The following FAM227B variants were observed in gnomAD, a reference collection of about 807,000 sequenced individuals.
The protein encoded by FAM227B is protein FAM227B.
Under a neutral mutation model 73.8 loss-of-function variants are expected in FAM227B, and 88 were observed. The observed-to-expected ratio is 1.19, with a 90% CI of 1.00 to 1.42. The LOEUF is 1.42. Ranked by LOEUF, FAM227B falls within the 40% of genes most tolerant of loss-of-function variation. The pLI is 0.00. For missense variants in FAM227B, 632 were observed against 590.9 expected, an observed-to-expected ratio of 1.07 and a Z score of -0.72; for synonymous variants, 210 against 190.5, an observed-to-expected ratio of 1.10 and a Z score of -0.84.
chr15:49,431,062 T>C (rs925455211), intron 11 of FAM227B, among the ~76,000 whole-genome samples: 30 of 151,988 alleles, frequency 2.0e-4, no homozygotes, highest in African/African-American at 5.8e-4. Context: ...AACATCACTA[T>C]TGGAATACAA....
At chr15:49,556,685 G>A (rs2073730937) in intron 9 of FAM227B, among the ~76,000 whole-genome samples, 1 of 152,160 alleles carries the variant, frequency 6.6e-6, no homozygotes, top group Admixed American at 6.5e-5. Flanking sequence ...GGGCACTCAG[G>A]TCAGACTGGC....
chr15:49,514,187 C>A (rs939069505), intron 10 of FAM227B, among the ~76,000 whole-genome samples: 12 of 152,078 alleles, frequency 7.9e-5, no homozygotes, highest in African/African-American at 2.9e-4. Flanking sequence ...TTACTTTGGG[C>A]AGTATGGCCA....
chr15:49,497,137 T>A (rs2057688985), intron 11 of FAM227B, among the ~76,000 whole-genome samples: 1 of 152,238 alleles, frequency 6.6e-6, no homozygotes, highest in Non-Finnish European at 1.5e-5. Context: ...CACCTCATTT[T>A]TCAGTTGTAA....
At chr15:49,331,992 C>T (rs2038853689) in intron 14 of FAM227B, 143 bp from the exon 15 acceptor site, 1 of 619,454 alleles carries the variant, frequency 1.6e-6, no homozygotes, top group African/African-American at 1.9e-5. Flanking sequence ...ACCCTTAAAA[C>T]TTCTGAAGTA....
At chr15:49,413,505 C>T (rs1001140475) in intron 11 of FAM227B, among the ~76,000 whole-genome samples, 3 of 152,028 alleles carry the variant, frequency 2.0e-5, no homozygotes, top group Admixed American at 1.3e-4. Context: ...CTCCAACATA[C>T]ATCTAACTAC....
chr15:49,582,370 T>C (rs919720611), intron 5 of FAM227B, among the ~76,000 whole-genome samples: 3 of 151,400 alleles, frequency 2.0e-5, no homozygotes, highest in Admixed American at 2.0e-4. Flanking sequence ...CCAACAAAAA[T>C]CAAAAAAGAC....
At chr15:49,349,642 A>G (rs2041975602) in intron 13 of FAM227B, among the ~76,000 whole-genome samples, 2 of 152,130 alleles carry the variant, frequency 1.3e-5, no homozygotes, top group African/African-American at 2.4e-5. Flanking sequence ...ATCAAAGGGA[A>G]TTGAGCAGAG....
chr15:49,583,556 C>A (rs567693803), intron 5 of FAM227B, among the ~76,000 whole-genome samples: 1 of 151,302 alleles, frequency 6.6e-6, no homozygotes, highest in South Asian at 2.1e-4. Context: ...CAAAAATAAC[C>A]ACAAAAATGG....
chr15:49,374,924 C>T (rs1375603079), intron 11 of FAM227B, among the ~76,000 whole-genome samples: 1 of 152,158 alleles, frequency 6.6e-6, no homozygotes, highest in African/African-American at 2.4e-5. Flanking sequence ...TATATGCATA[C>T]TTCCAAGTCC....
intron 11 of FAM227B, among the ~76,000 whole-genome samples, chr15:49,491,417 G>A (rs549068965): frequency 6.6e-6 from 1 of 151,836 alleles, no homozygotes; most frequent in African/African-American, 2.4e-5. Context: ...GCTCTAACTC[G>A]ACTGTCCAAT....
intron 15 of FAM227B, chr15:49,330,563 T>TC (rs1277650213): frequency 6.6e-6 from 1 of 152,204 alleles, no homozygotes; most frequent in Non-Finnish European, 1.5e-5. Flanking sequence ...GAGGCATGGC[T>TC]ATCCAGTGCG....
rs2058101650 is a variant in FAM227B at position 49,501,197 on chromosome 15, T to C, written c.1012+7014A>G. 2.0e-5 allele frequency among the ~76,000 whole-genome samples: 3 copies of C among 152,168 alleles called. No homozygotes were observed. In the South Asian group the frequency reaches 6.2e-4, roughly 32 times the overall value. On this transcript the variant is annotated intron_variant, in intron 11 of 15. Transcript: ENST00000299338. ...CAGAAGCAGATTTGGAATTGCATAA[T>C]GGGCAGAGGCTGGAAGAGTGTGGAA...
At chr15:49,416,166 A>T in intron 11 of FAM227B, among the ~76,000 whole-genome samples, 1 of 106,420 alleles carries the variant, frequency 9.4e-6, no homozygotes, top group Admixed American at 1.3e-4. Context: ...CCACCAATCT[A>T]CTTGTTTATG....
At chr15:49,476,969 G>A (rs1252856782) in intron 11 of FAM227B, among the ~76,000 whole-genome samples, 1 of 151,392 alleles carries the variant, frequency 6.6e-6, no homozygotes, top group Non-Finnish European at 1.5e-5. Flanking sequence ...CTGAGGCAGG[G>A]AAATGGTGCA....
At chr15:49,585,170 T>A (rs570002531) in intron 5 of FAM227B, among the ~76,000 whole-genome samples, 111 of 151,994 alleles carry the variant, frequency 7.3e-4, no homozygotes, top group African/African-American at 2.7e-3. Context: ...AGAATGGCAA[T>A]CATTAAAAAG....
At chr15:49,412,057 G>A (rs146003007) in intron 11 of FAM227B, among the ~76,000 whole-genome samples, 37 of 152,010 alleles carry the variant, frequency 2.4e-4, no homozygotes, top group African/African-American at 7.2e-4. Context: ...GCAATATTTC[G>A]TCTAAAACAT....
intron 3 of FAM227B, among the ~76,000 whole-genome samples, chr15:49,608,873 G>GA (rs1309203443): frequency 6.6e-6 from 1 of 151,790 alleles, no homozygotes; most frequent in Non-Finnish European, 1.5e-5. Flanking sequence ...TAAATAACAT[G>GA]AAAAATCAAA....
intron 11 of FAM227B, among the ~76,000 whole-genome samples, chr15:49,414,150 T>C (rs1395536770): frequency 6.6e-6 from 1 of 152,132 alleles, no homozygotes; most frequent in Non-Finnish European, 1.5e-5. Context: ...TAAGTGTTGA[T>C]TTAAAGTAAT....
At chr15:49,479,598 TG>T (rs66999325) in intron 11 of FAM227B, among the ~76,000 whole-genome samples, 2,910 of 114,900 alleles carry the variant, frequency 0.025, 164 homozygotes, top group East Asian at 0.12. Context: ...TTAATACCTC[TG>T]TTTTTTTTTT....
Sources: allele counts gnomAD v4.1 joint callset (sites outside exome capture counted in the v4.1 genomes callset), GRCh38; gene constraint gnomAD v4.1.1; transcripts MANE v1.5; gene names NCBI Gene and HGNC (gene_info 2026-07-23, HGNC 2026-07-21).